DOCK3: variants seen among roughly 807,000 people sequenced by gnomAD.
DOCK3 encodes dedicator of cytokinesis 3, also known as dedicator of cytokinesis protein 3.
A neutral mutation model predicts 265.6 loss-of-function variants in DOCK3; 60 were observed. That is an observed-to-expected ratio of 0.23 (90% CI 0.18 to 0.28). The LOEUF is 0.28. DOCK3 is among the 10% of genes least tolerant of loss of function. The probability of loss-of-function intolerance (pLI) is 1.00; values close to 1 mark genes in which losing one functional copy is unlikely to be tolerated. For missense variants in DOCK3, 1,981 were observed against 2,594.3 expected (o/e 0.76, Z 5.14); for synonymous variants, 881 against 938.0 (o/e 0.94, Z 1.11).
At chr3:51,252,419 G>A (rs2079302846) in intron 22 of DOCK3, among the ~76,000 whole-genome samples, 1 of 152,176 alleles carries the variant, frequency 6.6e-6, no homozygotes, top group Admixed American at 6.5e-5. Flanking sequence ...GTGGCTTTAT[G>A]GGGATGGCAT....
chr3:50,769,194 T>C (rs2041113991), intron 1 of DOCK3, among the ~76,000 whole-genome samples: 1 of 152,184 alleles, frequency 6.6e-6, no homozygotes, highest in South Asian at 2.1e-4. Flanking sequence ...TTCACTCTTC[T>C]TTACTGTGCA....
intron 1 of DOCK3, among the ~76,000 whole-genome samples, chr3:50,700,398 G>A (rs550351289): frequency 1.3e-5 from 2 of 152,182 alleles, no homozygotes; most frequent in Non-Finnish European, 2.9e-5. Context: ...CTAGCTATAT[G>A]TTTGTACCCA....
At chr3:51,046,546 TTATAAA>T (rs1318059631) in intron 5 of DOCK3, among the ~76,000 whole-genome samples, 1 of 152,156 alleles carries the variant, frequency 6.6e-6, no homozygotes, top group Admixed American at 6.5e-5. Context: ...GATAGAACAA[TTATAAA>T]TATATATGCA....
intron 5 of DOCK3, among the ~76,000 whole-genome samples, chr3:51,009,074 A>G (rs1348517273): frequency 6.6e-6 from 1 of 152,052 alleles, no homozygotes; most frequent in Admixed American, 6.6e-5. Flanking sequence ...TTAGTCTAAA[A>G]TTCTCTTTTT....
Position 51,019,967 on chromosome 3 carries a change from T to C in DOCK3, c.316-44481T>C, listed in dbSNP as rs182125024. ...GTGCGCATGTGTCTTTATAATAGAA[T>C]GATTTCTGTTCCTTTGGGTATATAC... On this transcript the variant is annotated intron_variant, in intron 5 of 52. Transcript: ENST00000266037. Among the ~76,000 whole-genome samples, 5 of 152,050 alleles carry C rather than the reference T, an allele frequency of 3.3e-5. 2 individuals are homozygous for C. The highest frequency in any genetic ancestry group is 1.2e-4 in the African/African-American group (5 of 41,322).
In DOCK3 at chr3:51,227,299, G is replaced by T; in HGVS notation, c.1394G>T (p.Gly465Val). Residue 465 changes from glycine to valine, a missense_variant, in exon 16 of 53, where the codon GGT becomes GTT. Around this residue, in one of 4 missense-constraint regions of DOCK3, gnomAD observed 1,357 missense variants for 1,866.8 expected, o/e 0.73. Coordinates refer to ENST00000266037, the MANE Select transcript of DOCK3 (RefSeq NM_004947.5). ...TTCTTCCAGGATTGCATCAGCTTGG[G>T]TTCAGGAGAGCCAAATAGGAGTTCC... ...GEILKDCISL[G>V]SGEPNRSSYH... 1 of 1,613,680 alleles carries T rather than the reference G, an allele frequency of 6.2e-7. No individual in the cohort carries two copies. The highest frequency in any genetic ancestry group is 8.5e-7 in the Non-Finnish European group (1 of 1,179,798).
chr3:50,907,689 G>A (rs1461633311), intron 4 of DOCK3, among the ~76,000 whole-genome samples: 1 of 152,000 alleles, frequency 6.6e-6, no homozygotes, highest in Non-Finnish European at 1.5e-5. Flanking sequence ...CACACTGATG[G>A]GTCTTGACTC....
intron 10 of DOCK3, 86 bp downstream of exon 10, chr3:51,146,716 T>C: frequency 1.5e-5 from 18 of 1,224,446 alleles, no homozygotes; most frequent in Non-Finnish European, 2.1e-5. Context: ...GAAACAAGCA[T>C]TTAGTCTTAT....
intron 10 of DOCK3, among the ~76,000 whole-genome samples, chr3:51,152,017 A>G (rs1450763597): frequency 6.6e-6 from 1 of 152,000 alleles, no homozygotes. Flanking sequence ...CATTCTCTGT[A>G]TTTCCTGAAT....
chr3:50,687,596 CATGTACTTT>C (rs1284230516), intron 1 of DOCK3, among the ~76,000 whole-genome samples: 1 of 152,170 alleles, frequency 6.6e-6, no homozygotes. Flanking sequence ...GAGCTAAGGG[CATGTACTTT>C]AATGTGGTTG....
intron 2 of DOCK3, among the ~76,000 whole-genome samples, chr3:50,808,916 G>A (rs1387655531): frequency 6.6e-6 from 1 of 152,250 alleles, no homozygotes. Context: ...CGAAAGCAAT[G>A]AATATTGATT....
intron 1 of DOCK3, among the ~76,000 whole-genome samples, chr3:50,695,509 A>G (rs1011974842): frequency 2.0e-5 from 3 of 152,226 alleles, no homozygotes; most frequent in East Asian, 1.9e-4. Flanking sequence ...AGAGGCCTCT[A>G]ACTGGATCCA....
chr3:50,700,415 A>C (rs558426883), intron 1 of DOCK3, among the ~76,000 whole-genome samples: 2 of 152,332 alleles, frequency 1.3e-5, no homozygotes, highest in African/African-American at 4.8e-5. Flanking sequence ...CCCATTGACC[A>C]ACTGCCCCTT....
intron 19 of DOCK3, among the ~76,000 whole-genome samples, chr3:51,231,017 C>T (rs756486328): frequency 6.6e-6 from 1 of 151,408 alleles, no homozygotes; most frequent in South Asian, 2.1e-4. Context: ...TTTTATAAAT[C>T]TCCAAACTGC....
At chr3:50,970,012 C>T (rs1274576857) in intron 5 of DOCK3, among the ~76,000 whole-genome samples, 4 of 151,910 alleles carry the variant, frequency 2.6e-5, no homozygotes, top group Non-Finnish European at 5.9e-5. Flanking sequence ...GCGGAGCTTC[C>T]AGTGAGCCGA....
Position 50,679,082 on chromosome 3 carries a change from G to A in DOCK3, c.37+3782G>A, listed in dbSNP as rs367544074. Among the ~76,000 whole-genome samples, 22 of 152,260 alleles carry A rather than the reference G, an allele frequency of 1.4e-4. No individual in the cohort carries two copies. In the East Asian group the frequency reaches 3.9e-3, roughly 27 times the overall value. On this transcript the variant is annotated intron_variant, in intron 1 of 52. Coordinates refer to ENST00000266037, the MANE Select transcript of DOCK3 (RefSeq NM_004947.5). The stretch of plus-strand genomic sequence containing the variant: ...CTCGCCTCGGCCTCCCGAAGTGCTG[G>A]GATTACAGGCATGAACCACTGCGCC...
At chr3:50,956,353 G>A (rs1303150318) in intron 5 of DOCK3, among the ~76,000 whole-genome samples, 3 of 152,196 alleles carry the variant, frequency 2.0e-5, no homozygotes, top group Non-Finnish European at 4.4e-5. Context: ...GATTCCTCAT[G>A]TCTTCACTAC....
In DOCK3 at chr3:50,675,450, G is replaced by A. The variant is rs2033874152; in HGVS notation, c.37+150G>A. ...GCGAGCGCGGGGTGGGGGCAGGTGCGGGTGCGGGTGCGGGTGCGGGGGTGG... is the reference window on the plus strand; with the variant it reads ...GCGAGCGCGGGGTGGGGGCAGGTGCAGGTGCGGGTGCGGGTGCGGGGGTGG... On this transcript the variant is annotated intron_variant, in intron 1 of 52. Transcript: ENST00000266037. This position sits in a 1 kb window ranked among gnomAD's most constrained non-coding sequence, Gnocchi z 6.1. 7 of 519,280 alleles carry A rather than the reference G, an allele frequency of 1.3e-5. No individual in the cohort carries two copies. The highest frequency in any genetic ancestry group is 2.2e-5 in the African/African-American group (1 of 46,164). The allele number at this position is 519,280 out of a possible 1,614,324, so 32.2% of individuals were successfully genotyped here.
chr3:50,754,070 C>T (rs995434507), intron 1 of DOCK3, among the ~76,000 whole-genome samples: 4 of 141,214 alleles, frequency 2.8e-5, no homozygotes, highest in African/African-American at 5.2e-5. Flanking sequence ...GCAGGAGAAT[C>T]GCTTGAACCT....
Sources: gnomAD v4.1 joint callset for allele counts (sites outside exome capture counted in the v4.1 genomes callset) on GRCh38, gnomAD v4.1.1 for gene constraint, gnomAD v4.1.1 regional missense constraint, Gnocchi (gnomAD v3.1) non-coding constraint, MANE v1.5 for transcripts, NCBI Gene and HGNC (gene_info 2026-07-23, HGNC 2026-07-21) for gene names.